SORCS2: variants seen among roughly 807,000 people sequenced by gnomAD.
SORCS2 encodes sortilin related VPS10 domain containing receptor 2, also known as VPS10 domain-containing receptor SorCS2.
A neutral mutation model predicts 141.6 loss-of-function variants in SORCS2; 100 were observed. The ratio of observed to expected loss-of-function variants is 0.71; its 90% CI spans 0.60 to 0.83. SORCS2 has a LOEUF of 0.83. Among genes scored for constraint, SORCS2 ranks in the 40% least tolerant of loss-of-function variants. The pLI, the probability that SORCS2 is intolerant of heterozygous loss-of-function variation, is 0.00. For synonymous variants in SORCS2, 789 were observed against 676.9 expected (o/e 1.17, Z -2.57); for missense variants, 1,646 against 1,560.2 (o/e 1.05, Z -0.93).
At chr4:7,331,493 C>T (rs1719653917) in intron 1 of SORCS2, among the ~76,000 whole-genome samples, 1 of 152,118 alleles carries the variant, frequency 6.6e-6, no homozygotes, top group African/African-American at 2.4e-5. Flanking sequence ...CTAAGAGACC[C>T]TGGTAGAGCT....
chr4:7,554,003 A>G (rs1713919273), intron 3 of SORCS2, among the ~76,000 whole-genome samples: 1 of 152,226 alleles, frequency 6.6e-6, no homozygotes, highest in African/African-American at 2.4e-5. Flanking sequence ...CATGCAAGGA[A>G]AACAGCCATG....
chr4:7,279,113 T>C (rs911476762), intron 1 of SORCS2, among the ~76,000 whole-genome samples: 3 of 152,226 alleles, frequency 2.0e-5, no homozygotes, highest in African/African-American at 7.2e-5. Flanking sequence ...ATCCTAGCTG[T>C]CTGTGAGGGA....
intron 7 of SORCS2, among the ~76,000 whole-genome samples, chr4:7,666,335 G>A (rs542071012): frequency 1.3e-5 from 2 of 152,120 alleles, no homozygotes; most frequent in African/African-American, 4.8e-5. Flanking sequence ...TTTGTGAGGG[G>A]CAGGAGAAGG....
intron 2 of SORCS2, among the ~76,000 whole-genome samples, chr4:7,420,326 T>G (rs1414540619): frequency 6.6e-6 from 1 of 152,126 alleles, no homozygotes; most frequent in African/African-American, 2.4e-5. Context: ...ATCTGTAAAA[T>G]GGGCACAGTG....
At chr4:7,289,039 C>T (rs1445590188) in intron 1 of SORCS2, among the ~76,000 whole-genome samples, 1 of 152,120 alleles carries the variant, frequency 6.6e-6, no homozygotes, top group Non-Finnish European at 1.5e-5. Flanking sequence ...GATCAATCAT[C>T]CCTCTCCCTT....
At chr4:7,702,089 G>A (rs949083848) in intron 12 of SORCS2, among the ~76,000 whole-genome samples, 3 of 152,202 alleles carry the variant, frequency 2.0e-5, no homozygotes, top group Non-Finnish European at 4.4e-5. Context: ...ACTTGTCCAC[G>A]GTCCCCAAGG....
intron 11 of SORCS2, among the ~76,000 whole-genome samples, chr4:7,689,851 CAAATT>C (rs1724107539): frequency 6.8e-6 from 1 of 147,264 alleles, no homozygotes; most frequent in African/African-American, 2.5e-5. Flanking sequence ...GATGGACAGA[CAAATT>C]GATAGATGAT....
At chr4:7,273,977 G>T (rs1392431577) in intron 1 of SORCS2, among the ~76,000 whole-genome samples, 1 of 152,220 alleles carries the variant, frequency 6.6e-6, no homozygotes, top group Non-Finnish European at 1.5e-5. Context: ...CTCACAGGCG[G>T]AACAGAGCCC....
chr4:7,593,412 G>A (rs1181246067), intron 3 of SORCS2, among the ~76,000 whole-genome samples: 1 of 152,222 alleles, frequency 6.6e-6, no homozygotes, highest in Non-Finnish European at 1.5e-5. Context: ...AAAGCAGGCT[G>A]TGACAGGTGC....
chr4:7,323,345 A>G (rs1263223277), intron 1 of SORCS2, among the ~76,000 whole-genome samples: 1 of 152,124 alleles, frequency 6.6e-6, no homozygotes, highest in African/African-American at 2.4e-5. Flanking sequence ...TTCCCAGGAG[A>G]ATCATGGCTT....
intron 3 of SORCS2, among the ~76,000 whole-genome samples, chr4:7,534,195 C>G (rs1711908170): frequency 6.6e-6 from 1 of 152,224 alleles, no homozygotes; most frequent in Admixed American, 6.5e-5. Context: ...ATGAGTGTCA[C>G]AAACAGTGTG....
chr4:7,575,324 A>G (rs1715679700), intron 3 of SORCS2, among the ~76,000 whole-genome samples: 1 of 152,234 alleles, frequency 6.6e-6, no homozygotes, highest in African/African-American at 2.4e-5. Flanking sequence ...TTAACCCAGT[A>G]TATCCAAAAT....
intron 4 of SORCS2, among the ~76,000 whole-genome samples, chr4:7,652,137 G>A (rs1721484783): frequency 6.6e-6 from 1 of 152,144 alleles, no homozygotes; most frequent in South Asian, 2.1e-4. Flanking sequence ...CTCTGATAGA[G>A]ATGCCTTCCC....
intron 1 of SORCS2, among the ~76,000 whole-genome samples, chr4:7,370,617 A>G (rs905301204): frequency 6.6e-6 from 1 of 152,196 alleles, no homozygotes; most frequent in African/African-American, 2.4e-5. Flanking sequence ...AACGTTGCCC[A>G]TCATCCTTGT....
At chr4:7,289,307 G>T (rs1267412063) in intron 1 of SORCS2, among the ~76,000 whole-genome samples, 1 of 151,858 alleles carries the variant, frequency 6.6e-6, no homozygotes, top group Non-Finnish European at 1.5e-5. Flanking sequence ...TCAGGCTGGG[G>T]TTTCCTCCTC....
chr4:7,393,920 CCTT>C lies in SORCS2; in HGVS notation c.481-2365_481-2363del, dbSNP rs1214044325. Among the ~76,000 whole-genome samples the C allele has an allele frequency of 2.6e-5, 4 of 152,230 alleles. No homozygotes were observed. In the East Asian group the frequency reaches 7.7e-4, roughly 29 times the overall value. ...GGGTGGTCTGACCTCACTTCAGGGT[CCTT>C]CTCCTTGATGACTGCCGAGTCAGGT... On this transcript the variant is annotated intron_variant, in intron 1 of 26. Transcript: ENST00000507866.
intron 2 of SORCS2, among the ~76,000 whole-genome samples, chr4:7,426,497 G>A (rs1050027253): frequency 2.0e-5 from 3 of 152,236 alleles, no homozygotes; most frequent in African/African-American, 7.2e-5. Flanking sequence ...GCTGAAGCAG[G>A]AGGATTGGTT....
chr4:7,288,577 GGT>G, intron 1 of SORCS2, among the ~76,000 whole-genome samples: 1 of 127,796 alleles, frequency 7.8e-6, no homozygotes, highest in African/African-American at 2.9e-5. Context: ...GGGGAGAGGG[GGT>G]GGGAGGAGGA....
chr4:7,337,872 C>G (rs1432343473), intron 1 of SORCS2, among the ~76,000 whole-genome samples: 1 of 152,186 alleles, frequency 6.6e-6, no homozygotes, highest in Non-Finnish European at 1.5e-5. Context: ...GCCTGCCACC[C>G]ACACATGCTC....
Sources: gnomAD v4.1 joint callset for allele counts (sites outside exome capture counted in the v4.1 genomes callset) on GRCh38, gnomAD v4.1.1 for gene constraint, MANE v1.5 for transcripts, NCBI Gene and HGNC (gene_info 2026-07-23, HGNC 2026-07-21) for gene names.